The following GDAP1L1 variants were observed in gnomAD, a reference collection of about 807,000 sequenced individuals.
GDAP1L1 encodes ganglioside induced differentiation associated protein 1 like 1.
In GDAP1L1, 21 loss-of-function variants were observed where a neutral mutation model predicts 37.1. The observed-to-expected ratio is 0.57, with a 90% CI of 0.40 to 0.81. The LOEUF is 0.81. GDAP1L1 is among the 40% of genes least tolerant of loss of function. The pLI is 0.00. For missense variants in GDAP1L1, 362 were observed against 491.6 expected (o/e 0.74, Z 2.49); for synonymous variants, 193 against 209.1 (o/e 0.92, Z 0.67).
intron 2 of GDAP1L1, 83 bp from the exon 3 acceptor site, chr20:44,258,351 T>A (rs768580264): frequency 7.3e-7 from 1 of 1,364,130 alleles, no homozygotes; most frequent in African/African-American, 1.4e-5. Context: ...CAGAGACATC[T>A]TGGGGCTCAG....
At position 44,279,408 on chromosome 20, in the gene GDAP1L1, G is replaced by A. The variant is rs1000963440; in HGVS notation, c.*108G>A. The A allele has an allele frequency of 1.2e-5, 9 of 764,334 alleles. No homozygotes were observed. Among genetic ancestry groups the A allele is most frequent in the African/African-American group, 3.4e-5 (2 of 58,376 alleles). 47.3% of individuals were successfully genotyped at this position (764,334 alleles called of 1,614,324 possible). A position where few individuals can be genotyped will look rare whatever the true frequency, so the allele number is the denominator to read the frequency against. On this transcript the variant is annotated 3_prime_UTR_variant, in exon 6 of 6. Transcript: ENST00000342560. The stretch of plus-strand genomic sequence containing the variant: ...CATGAACACTTGGACAGCCCTCCCC[G>A]CCCTTCGTTCTGAGTAATAATACCG...
chr20:44,262,819 C>T (rs569155166), intron 3 of GDAP1L1, among the ~76,000 whole-genome samples: 5 of 151,992 alleles, frequency 3.3e-5, no homozygotes, highest in Non-Finnish European at 5.9e-5. Flanking sequence ...CAGGCTCAAG[C>T]GATCCCCCTG....
At position 44,263,277 on chromosome 20, in the gene GDAP1L1, G is replaced by A. The variant is rs111998272; in HGVS notation, c.595G>A (p.Glu199Lys). The change falls in exon 4 of 6, where the codon GAG (glutamate) becomes AAG (lysine). Residue 199 changes from glutamate to lysine, a missense_variant. By Grantham distance (56) the Glu-to-Lys change is moderately conservative (BLOSUM62 1). Coordinates refer to ENST00000342560, the MANE Select transcript of GDAP1L1 (RefSeq NM_024034.6). ...TTDLMKLDHE[E>K]EPQLSEPYLS... is the part of the protein sequence containing the mutation. ...GGACCTCATGAAACTGGACCATGAAGAGGAGCCCCAGCTCTCCGAGCCCTA... is the reference window on the plus strand; with the variant it reads ...GGACCTCATGAAACTGGACCATGAAAAGGAGCCCCAGCTCTCCGAGCCCTA... The A allele has an allele frequency of 0.012, 18,852 of 1,614,070 alleles. 120 individuals are homozygous for A. The highest frequency in any genetic ancestry group is 0.013 in the Non-Finnish European group (15,451 of 1,179,936).
At chr20:44,249,166 G>C in intron 1 of GDAP1L1, among the ~76,000 whole-genome samples, 1 of 151,936 alleles carries the variant, frequency 6.6e-6, no homozygotes, top group East Asian at 1.9e-4. Context: ...CTCCTGAGTA[G>C]CTGGGACTAC....
At chr20:44,256,149 G>T (rs2073538675) in intron 1 of GDAP1L1, among the ~76,000 whole-genome samples, 1 of 152,150 alleles carries the variant, frequency 6.6e-6, no homozygotes, top group Non-Finnish European at 1.5e-5. Flanking sequence ...GAATTGCTGT[G>T]TGACTTTGGG....
intron 5 of GDAP1L1, among the ~76,000 whole-genome samples, chr20:44,275,696 A>G (rs934199678): frequency 6.6e-6 from 1 of 152,222 alleles, no homozygotes; most frequent in East Asian, 1.9e-4. Flanking sequence ...AGGAACTTGG[A>G]CATTAAGGTG....
chr20:44,273,208 T>C (rs1172958343), intron 5 of GDAP1L1, among the ~76,000 whole-genome samples: 4 of 152,222 alleles, frequency 2.6e-5, no homozygotes, highest in African/African-American at 4.8e-5. Flanking sequence ...GATTGCCTCA[T>C]CTGTAAAGTG....
intron 1 of GDAP1L1, among the ~76,000 whole-genome samples, chr20:44,250,779 C>T (rs2073424833): frequency 6.6e-6 from 1 of 152,316 alleles, no homozygotes; most frequent in African/African-American, 2.4e-5. Context: ...GAGGCTGTTC[C>T]TGCCCCCAGC....
rs536338558 is a variant in GDAP1L1, at chr20:44,259,318, C to T, written c.547+711C>T. On this transcript the variant is annotated intron_variant, in intron 3 of 5. Transcript: ENST00000342560. Reference sequence around the variant, plus strand: ...AGGCTTTGAACAAACACCATGGGGTCCTACAGCCAAAAGACACCTGAAGAT... The same window carrying T: ...AGGCTTTGAACAAACACCATGGGGTTCTACAGCCAAAAGACACCTGAAGAT... 1.6e-4 allele frequency among the ~76,000 whole-genome samples: 24 copies of T among 152,256 alleles called. No homozygotes were observed. In the East Asian group the frequency reaches 4.4e-3, roughly 28 times the overall value.
In GDAP1L1 at chr20:44,263,516, C is replaced by T. The variant is rs185856369; in HGVS notation, c.645+189C>T. 3.1e-3 allele frequency among the ~76,000 whole-genome samples: 469 copies of T among 152,320 alleles called. 2 individuals are homozygous for T. The highest frequency in any genetic ancestry group is 0.01 in the African/African-American group (431 of 41,572). The stretch of plus-strand genomic sequence containing the variant: ...GGGTAAGCCACTGCTGCCCTCGGGC[C>T]TCAGTTTCCTCATGTGTTAGGTTGT... On this transcript the variant is annotated intron_variant, in intron 4 of 5. Coordinates refer to ENST00000342560, the MANE Select transcript of GDAP1L1 (RefSeq NM_024034.6).
At chr20:44,255,865 C>T (rs948400462) in intron 1 of GDAP1L1, among the ~76,000 whole-genome samples, 1 of 152,182 alleles carries the variant, frequency 6.6e-6, no homozygotes, top group Non-Finnish European at 1.5e-5. Context: ...GCCCATCCTT[C>T]CTTCTGAGTC....
chr20:44,247,254 C>T (rs370907086), upstream of GDAP1L1: 5 of 1,419,524 alleles, frequency 3.5e-6, no homozygotes, highest in East Asian at 9.6e-5. Context: ...GGGGCAGGCT[C>T]GGCGAGGCCA....
At chr20:44,261,090 C>G (rs904787385) in intron 3 of GDAP1L1, among the ~76,000 whole-genome samples, 1 of 152,160 alleles carries the variant, frequency 6.6e-6, no homozygotes, top group East Asian at 1.9e-4. Context: ...CAGCCCACCC[C>G]CTCTCTCCCC....
intron 1 of GDAP1L1, among the ~76,000 whole-genome samples, chr20:44,256,048 G>A (rs891930991): frequency 2.0e-5 from 3 of 152,210 alleles, no homozygotes; most frequent in Non-Finnish European, 2.9e-5. Context: ...TCAGGAAGGG[G>A]CAGGCCCAGA....
rs112293019 is a variant in GDAP1L1, at chr20:44,276,180, A to T, written c.761-2777A>T. Among the ~76,000 whole-genome samples the T allele has an allele frequency of 8.9e-3, 1,212 of 136,478 alleles. 15 individuals are homozygous for T. Among genetic ancestry groups the T allele is most frequent in the African/African-American group, 0.03 (1,117 of 36,898 alleles). 89.5% of individuals were successfully genotyped at this position (136,478 alleles called of 152,430 possible). ...CTAGTAAAAATACCAAAAAAAAAAA[A>T]AAATAATAGCCAGGCATGATGGTGC... On this transcript the variant is annotated intron_variant, in intron 5 of 5. Coordinates refer to ENST00000342560, the MANE Select transcript of GDAP1L1 (RefSeq NM_024034.6).
At chr20:44,272,530 C>T (rs2062529510) in intron 5 of GDAP1L1, among the ~76,000 whole-genome samples, 1 of 152,150 alleles carries the variant, frequency 6.6e-6, no homozygotes, top group Admixed American at 6.5e-5. Context: ...GCTTTGCGGT[C>T]CTGACATTAA....
At position 44,279,042 on chromosome 20, in the gene GDAP1L1, C is replaced by T. The variant is rs777534069; in HGVS notation, c.846C>T (p.Phe282=). ...GAGCCACCCTGCACCGCCTCAAGTT[C>T]CTGGGACTGTCCAAGAAATACTGGG... ...LLGATLHRLK[F]LGLSKKYWED... The change falls in exon 6 of 6, where the codon TTC becomes TTT. Residue 282 remains phenylalanine (F), a synonymous_variant. Transcript: ENST00000342560. The T allele has an allele frequency of 6.2e-7, 1 of 1,614,182 alleles. No individual in the cohort carries two copies. The highest frequency in any genetic ancestry group is 1.7e-5 in the Admixed American group (1 of 60,026).
At chr20:44,270,811 C>T (rs977690572) in intron 5 of GDAP1L1, among the ~76,000 whole-genome samples, 1 of 152,296 alleles carries the variant, frequency 6.6e-6, no homozygotes, top group Non-Finnish European at 1.5e-5. Flanking sequence ...AAAGAGAAGA[C>T]GCAGAAGCCA....
At position 44,264,561 on chromosome 20, in the gene GDAP1L1, T is replaced by C; in HGVS notation, c.760+2T>C. The stretch of plus-strand genomic sequence containing the variant: ...AGAAGAGGAAGCTGGAGAACGAGGG[T>C]GGGTGCCAGCCCTGGGGGAGGTGGG... On this transcript the variant is annotated splice_donor_variant, in intron 5 of 5. Transcript: ENST00000342560. LOFTEE classifies it high-confidence loss of function. The C allele has an allele frequency of 6.2e-7, 1 of 1,609,824 alleles. No individual in the cohort carries two copies. Among genetic ancestry groups the C allele is most frequent in the Non-Finnish European group, 8.5e-7 (1 of 1,177,602 alleles).
Sources: gnomAD v4.1 joint callset for allele counts (sites outside exome capture counted in the v4.1 genomes callset) on GRCh38, gnomAD v4.1.1 for gene constraint, MANE v1.5 for transcripts, NCBI Gene and HGNC (gene_info 2026-07-23, HGNC 2026-07-21) for gene names.